Variants in PRMT3 observed in about 807,000 individuals in gnomAD.
The protein encoded by PRMT3 is protein arginine N-methyltransferase 3.
PRMT3 carries 62 observed loss-of-function variants against 71.9 expected under a neutral mutation model. The ratio of observed to expected loss-of-function variants is 0.86; its 90% confidence interval spans 0.70 to 1.07. The LOEUF (loss-of-function observed/expected upper bound fraction) is 1.07. PRMT3 is among the 50% of genes least tolerant of loss of function. The pLI is 0.00. For synonymous variants in PRMT3, 213 were observed against 220.4 expected, an observed-to-expected ratio of 0.97 and a Z score of 0.30; for missense variants, 663 against 643.0, an observed-to-expected ratio of 1.03 and a Z score of -0.34.
At chr11:20,445,864 A>C (rs1015678051) in intron 10 of PRMT3, among the ~76,000 whole-genome samples, 4 of 152,116 alleles carry the variant, frequency 2.6e-5, no homozygotes, top group African/African-American at 9.7e-5. Flanking sequence ...TGCTTTCTTC[A>C]CTCAGTCATG....
intron 8 of PRMT3, chr11:20,405,346 A>C (rs996087444): frequency 6.6e-6 from 1 of 150,780 alleles, no homozygotes; most frequent in African/African-American, 2.4e-5. Context: ...AAATGAATCA[A>C]ATTTCCTCAT....
intron 12 of PRMT3, among the ~76,000 whole-genome samples, chr11:20,462,402 T>C (rs1384684452): frequency 6.6e-6 from 1 of 152,172 alleles, no homozygotes; most frequent in East Asian, 1.9e-4. Flanking sequence ...CCTTCAAATC[T>C]AACTCTGAAC....
At chr11:20,474,366 C>G (rs757554061) in intron 13 of PRMT3, among the ~76,000 whole-genome samples, 1 of 152,222 alleles carries the variant, frequency 6.6e-6, no homozygotes, top group Non-Finnish European at 1.5e-5. Flanking sequence ...ACCTCTCTGA[C>G]TGGAATTCCA....
chr11:20,493,981 G>T lies in PRMT3; in HGVS notation c.1398+12G>T. 6.4e-7 allele frequency: 1 copy of T among 1,562,784 alleles called. No individual in the cohort carries two copies. The highest frequency in any genetic ancestry group is 8.8e-7 in the Non-Finnish European group (1 of 1,139,086). On this transcript the variant is annotated intron_variant, in intron 14 of 15. Transcript: ENST00000331079. The stretch of plus-strand genomic sequence containing the variant: ...ATTGCCACAACAGGGTAAGTATCAT[G>T]AATTATCTCATAAGAATTAATTATT...
rs59969495 is a variant in PRMT3 at position 20,475,652 on chromosome 11, C to CT, written c.1347+11125dup. Among the ~76,000 whole-genome samples, 820 of 100,516 alleles carry CT rather than the reference C, an allele frequency of 8.2e-3. 26 individuals carry two copies. The highest frequency in any genetic ancestry group is 0.028 in the African/African-American group (722 of 26,166). 65.9% of individuals were successfully genotyped at this position (100,516 alleles called of 152,430 possible). On this transcript the variant is annotated intron_variant, in intron 13 of 15. Coordinates refer to ENST00000331079, the MANE Select transcript of PRMT3 (RefSeq NM_005788.4). ...TAGTGTCATGAGAGATACTTAATGT[C>CT]TTTTTTTTTTTTTTTTTTTGAGACA... is the stretch of plus-strand genomic sequence containing the variant.
chr11:20,403,349 A>T (rs1256830313), intron 8 of PRMT3, among the ~76,000 whole-genome samples: 1 of 152,216 alleles, frequency 6.6e-6, no homozygotes, highest in African/African-American at 2.4e-5. Flanking sequence ...ACTTTTAATT[A>T]TTACTCTAGT....
intron 13 of PRMT3, among the ~76,000 whole-genome samples, chr11:20,466,220 A>T (rs1189527475): frequency 6.6e-6 from 1 of 152,164 alleles, no homozygotes; most frequent in Non-Finnish European, 1.5e-5. Flanking sequence ...TGTTAGAGGG[A>T]ATACAATAGT....
intron 13 of PRMT3, among the ~76,000 whole-genome samples, chr11:20,481,275 A>AC (rs56195597): frequency 1.3e-5 from 2 of 151,254 alleles, no homozygotes; most frequent in African/African-American, 2.4e-5. Flanking sequence ...AAAAAAAAAA[A>AC]GTCTGAGAGA....
chr11:20,393,010 C>A lies in PRMT3; in HGVS notation c.400+11C>A. On this transcript the variant is annotated intron_variant, in intron 5 of 15. Coordinates refer to ENST00000331079, the MANE Select transcript of PRMT3 (RefSeq NM_005788.4). Reference sequence around the variant, plus strand: ...TTTTACTTCAATTTGGTAAGATGAACATAAGTGTATCTCCTTTAATTAACA... The same window carrying A: ...TTTTACTTCAATTTGGTAAGATGAAAATAAGTGTATCTCCTTTAATTAACA... The A allele has an allele frequency of 6.6e-7, 1 of 1,509,070 alleles. No homozygotes were observed. Among genetic ancestry groups the A allele is most frequent in the Non-Finnish European group, 9.2e-7 (1 of 1,085,338 alleles). The allele number at this position is 1,509,070 out of a possible 1,614,324, so 93.5% of individuals were successfully genotyped here.
At chr11:20,477,885 A>G (rs1050163171) in intron 13 of PRMT3, among the ~76,000 whole-genome samples, 4 of 145,580 alleles carry the variant, frequency 2.7e-5, no homozygotes, top group Non-Finnish European at 6.1e-5. Context: ...AATTGGTTTG[A>G]AGAGAGGACC....
intron 13 of PRMT3, among the ~76,000 whole-genome samples, chr11:20,492,564 A>T (rs564059635): frequency 6.6e-6 from 1 of 152,320 alleles, no homozygotes; most frequent in East Asian, 1.9e-4. Flanking sequence ...CAAAAGTAGC[A>T]GAGTACACAA....
At chr11:20,419,943 A>T (rs948544881) in intron 9 of PRMT3, among the ~76,000 whole-genome samples, 1 of 152,176 alleles carries the variant, frequency 6.6e-6, no homozygotes, top group African/African-American at 2.4e-5. Flanking sequence ...AGGTCAAGGT[A>T]GGTGAATTAC....
intron 8 of PRMT3, 128 bp downstream of exon 8, chr11:20,403,112 A>G: frequency 1.4e-6 from 1 of 699,176 alleles, no homozygotes; most frequent in Non-Finnish European, 2.5e-6. Context: ...GAAGACATTT[A>G]TGATGCTGCT....
chr11:20,391,911 G>T (rs1294319314), intron 3 of PRMT3, among the ~76,000 whole-genome samples: 1 of 7,462 alleles, frequency 1.3e-4, no homozygotes, highest in Non-Finnish European at 1.4e-3. Context: ...GGTAAAATGT[G>T]GATCTTAATT....
intron 13 of PRMT3, among the ~76,000 whole-genome samples, chr11:20,481,719 A>G (rs774418067): frequency 1.3e-5 from 2 of 152,096 alleles, no homozygotes; most frequent in African/African-American, 2.4e-5. Flanking sequence ...GTCTAGTTCT[A>G]ATATTTTCCA....
At chr11:20,414,776 G>T (rs1195061317) in intron 9 of PRMT3, among the ~76,000 whole-genome samples, 2 of 152,026 alleles carry the variant, frequency 1.3e-5, no homozygotes, top group Non-Finnish European at 2.9e-5. Flanking sequence ...CTTTTATATT[G>T]CCTGTGTTTA....
At chr11:20,485,051 T>C (rs1220850092) in intron 13 of PRMT3, among the ~76,000 whole-genome samples, 2 of 152,174 alleles carry the variant, frequency 1.3e-5, no homozygotes, top group East Asian at 3.9e-4. Context: ...GGGACCCTAA[T>C]AGTTTTGCAG....
chr11:20,409,876 G>A (rs1849158027), intron 9 of PRMT3, among the ~76,000 whole-genome samples: 1 of 152,058 alleles, frequency 6.6e-6, no homozygotes, highest in South Asian at 2.1e-4. Context: ...CCAAAGAAGA[G>A]ATTGTTTTAG....
intron 10 of PRMT3, among the ~76,000 whole-genome samples, chr11:20,427,672 G>C (rs1326672127): frequency 6.6e-6 from 1 of 152,190 alleles, no homozygotes; most frequent in East Asian, 1.9e-4. Flanking sequence ...GTTGCAGTGA[G>C]CCAGGATCAC....
Sources: gnomAD v4.1 joint callset for allele counts (sites outside exome capture counted in the v4.1 genomes callset) on GRCh38, gnomAD v4.1.1 for gene constraint, MANE v1.5 for transcripts, NCBI Gene and HGNC (gene_info 2026-07-23, HGNC 2026-07-21) for gene names.